The following EDRF1 variants were observed in gnomAD, a reference collection of about 807,000 sequenced individuals.
EDRF1 encodes the protein erythroid differentiation-related factor 1.
A neutral mutation model predicts 148.7 loss-of-function variants in EDRF1; 69 were observed. The observed-to-expected ratio is 0.46, with a 90% CI of 0.38 to 0.57. The LOEUF is 0.57. Among genes scored for constraint, EDRF1 ranks in the 20% least tolerant of loss-of-function variants. The pLI, the probability that EDRF1 is intolerant of heterozygous loss-of-function variation, is 0.00. For missense variants in EDRF1, 1,118 were observed against 1,478.7 expected (o/e 0.76, Z 4.00); for synonymous variants, 515 against 532.8 (o/e 0.97, Z 0.46).
At chr10:125,758,637 C>T (rs1419290606) in intron 24 of EDRF1, among the ~76,000 whole-genome samples, 1 of 152,174 alleles carries the variant, frequency 6.6e-6, no homozygotes, top group African/African-American at 2.4e-5. Context: ...TGGAACAGAT[C>T]TGCAGAAGGT....
At chr10:125,734,461 G>C (rs535293002) in intron 12 of EDRF1, among the ~76,000 whole-genome samples, 2 of 152,180 alleles carry the variant, frequency 1.3e-5, no homozygotes, top group South Asian at 4.1e-4. Context: ...TATTTAAGTT[G>C]ATTTCACAGA....
At chr10:125,748,481 T>A (rs989385909) in intron 21 of EDRF1, 22 of 200,842 alleles carry the variant, frequency 1.1e-4, no homozygotes, top group African/African-American at 4.2e-4. Flanking sequence ...CTGAGAATAA[T>A]CTGAGGCCGA....
rs1480090346 is a variant in EDRF1, at chr10:125,748,028, G to GTTAA, written c.3123+17_3123+20dup. 2.7e-5 allele frequency: 43 copies of GTTAA among 1,613,844 alleles called. No homozygotes were observed. Among genetic ancestry groups the GTTAA allele is most frequent in the Non-Finnish European group, 3.4e-5 (40 of 1,179,830 alleles). ...GAGGAATCAGGTATTGTCAGTCCAA[G>GTTAA]TTAAGTACAGTGCCACATCAGTTTA... On this transcript the variant is annotated intron_variant, in intron 21 of 24. Coordinates refer to ENST00000356792, the MANE Select transcript of EDRF1 (RefSeq NM_001202438.2).
chr10:125,721,127 C>T (rs906862951), intron 1 of EDRF1, 77 bp from the exon 2 acceptor site: 32 of 1,417,522 alleles, frequency 2.3e-5, no homozygotes, highest in Non-Finnish European at 2.8e-5. Context: ...GTGACAGGTT[C>T]TTGTTTTCTT....
chr10:125,736,850 G>A (rs1200207290), intron 13 of EDRF1, among the ~76,000 whole-genome samples: 1 of 151,802 alleles, frequency 6.6e-6, no homozygotes, highest in Non-Finnish European at 1.5e-5. Context: ...CCTCTTCAGG[G>A]AGATGTTCCC....
rs374142230 is a variant in EDRF1, at chr10:125,746,107, A to G, written c.2814+177A>G. 6.6e-5 allele frequency among the ~76,000 whole-genome samples: 10 copies of G among 152,376 alleles called. No homozygotes were observed. In the South Asian group the frequency reaches 8.3e-4, roughly 13 times the overall value. ...GGCCTAAGACTAGTAAGAATTGAGT[A>G]TTGAAGATGACATGTGGAATTGGAA... On this transcript the variant is annotated intron_variant, in intron 19 of 24. Coordinates refer to ENST00000356792, the MANE Select transcript of EDRF1 (RefSeq NM_001202438.2).
chr10:125,731,270 G>C (rs1403924219), intron 9 of EDRF1, among the ~76,000 whole-genome samples: 1 of 152,190 alleles, frequency 6.6e-6, no homozygotes, highest in East Asian at 1.9e-4. Flanking sequence ...AGAACAGTAG[G>C]AGACAGATAA....
intron 24 of EDRF1, among the ~76,000 whole-genome samples, chr10:125,759,052 C>T (rs1308003520): frequency 6.6e-6 from 1 of 152,104 alleles, no homozygotes; most frequent in Non-Finnish European, 1.5e-5. Flanking sequence ...GGTTGCTGGT[C>T]CCTCCCATAG....
intron 13 of EDRF1, 32 bp downstream of exon 13, chr10:125,735,936 T>C (rs537187050): frequency 6.4e-7 from 1 of 1,552,476 alleles, no homozygotes; most frequent in South Asian, 1.1e-5. Flanking sequence ...TAAATTTTTA[T>C]CAAGGAAACA....
At chr10:125,738,480 T>C in intron 15 of EDRF1, 35 bp downstream of exon 15, 1 of 1,613,044 alleles carries the variant, frequency 6.2e-7, no homozygotes, top group Non-Finnish European at 8.5e-7. Context: ...AGGCCTTCAA[T>C]AGAATAATAC....
At position 125,725,820 on chromosome 10, in the gene EDRF1, T is replaced by C. The variant is rs749935167; in HGVS notation, c.774T>C (p.Asp258=). Residue 258 remains aspartate (D), a synonymous_variant, in exon 6 of 25, where the codon GAT becomes GAC. Transcript: ENST00000356792. Reference sequence around the variant, plus strand: ...AAATGCCTTCTTCAGTTTCTGAAGATCCCAGTGCTTCCAGTCAGGTTAGTA... The same window carrying C: ...AAATGCCTTCTTCAGTTTCTGAAGACCCCAGTGCTTCCAGTCAGGTTAGTA... ...PFEMPSSVSE[D]PSASSQGSEP... The C allele has an allele frequency of 4.3e-6, 7 of 1,613,468 alleles. No homozygotes were observed. Among genetic ancestry groups the C allele is most frequent in the Non-Finnish European group, 5.9e-6 (7 of 1,179,988 alleles).
chr10:125,760,577 T>C (rs1172694544), intron 24 of EDRF1, among the ~76,000 whole-genome samples: 1 of 152,224 alleles, frequency 6.6e-6, no homozygotes, highest in Non-Finnish European at 1.5e-5. Flanking sequence ...AAATATTAAT[T>C]ACTAAGTCAG....
chr10:125,760,414 T>G (rs1850141027), intron 24 of EDRF1, among the ~76,000 whole-genome samples: 1 of 152,240 alleles, frequency 6.6e-6, no homozygotes, highest in South Asian at 2.1e-4. Flanking sequence ...TTATTTAGGT[T>G]ATTAATATTC....
rs1206704132 is a variant in EDRF1, at chr10:125,746,119, A to C, written c.2814+189A>C. Among the ~76,000 whole-genome samples the C allele has an allele frequency of 2.6e-5, 4 of 152,348 alleles. No individual in the cohort carries two copies. The South Asian group carries it at 8.3e-4, about 32-fold the overall frequency. ...GTAAGAATTGAGTATTGAAGATGAC[A>C]TGTGGAATTGGAAGGGAAAAGATGA... On this transcript the variant is annotated intron_variant, in intron 19 of 24. Transcript: ENST00000356792.
rs1356250383 is a variant in EDRF1 at position 125,753,701 on chromosome 10, G to A, written c.3401G>A (p.Ser1134Asn). The change falls in exon 24 of 25, where the codon AGT becomes AAT. Residue 1134 changes from serine (S) to asparagine (N), a missense_variant. Physicochemically the swap from Ser to Asn is conservative, Grantham distance 46 (BLOSUM62 1). Transcript: ENST00000356792. ...ELIEEFGQPK[S>N]GDAAAAADAS... is the part of the protein sequence containing the mutation. Reference sequence around the variant, plus strand: ...ACTTTTTGTTGTTTTTAGCCTAAGAGTGGTGACGCCGCTGCAGCTGCTGAT... The same window carrying A: ...ACTTTTTGTTGTTTTTAGCCTAAGAATGGTGACGCCGCTGCAGCTGCTGAT... 1.2e-6 allele frequency: 2 copies of A among 1,614,094 alleles called. No homozygotes were observed. The highest frequency in any genetic ancestry group is 1.7e-6 in the Non-Finnish European group (2 of 1,180,024).
chr10:125,733,858 G>A lies in EDRF1; in HGVS notation c.1385+115G>A, dbSNP rs1297413918. On this transcript the variant is annotated intron_variant, in intron 11 of 24. Transcript: ENST00000356792. ...AATGCTTTTAGGTTTTCATAGTAGGGGGAAAAATACACGTACACATTGTAC... is the reference window on the plus strand; with the variant it reads ...AATGCTTTTAGGTTTTCATAGTAGGAGGAAAAATACACGTACACATTGTAC... The A allele has an allele frequency of 2.9e-6, 3 of 1,033,588 alleles. No individual in the cohort carries two copies. The African/African-American group carries it at 4.8e-5, about 17-fold the overall frequency. The allele number at this position is 1,033,588 out of a possible 1,614,324, so 64.0% of individuals were successfully genotyped here.
intron 23 of EDRF1, 144 bp from the exon 24 acceptor site, chr10:125,753,550 G>A: frequency 3.5e-6 from 3 of 866,138 alleles, no homozygotes; most frequent in Non-Finnish European, 5.7e-6. Flanking sequence ...CTATCAAAAT[G>A]ATCATAGGTG....
Position 125,725,857 on chromosome 10 carries a change from A to C in EDRF1, c.792+19A>C. 1 of 1,610,940 alleles carries C rather than the reference A, an allele frequency of 6.2e-7. No homozygotes were observed. Among genetic ancestry groups the C allele is most frequent in the Non-Finnish European group, 8.5e-7 (1 of 1,179,746 alleles). ...CAGTCAGGTTAGTACTTAAATGCTA[A>C]TTCTAGAAACTCACATAGGAAAACA... On this transcript the variant is annotated intron_variant, in intron 6 of 24. Transcript: ENST00000356792.
At chr10:125,729,620 C>A in intron 8 of EDRF1, 141 bp downstream of exon 8, 1 of 1,118,210 alleles carries the variant, frequency 8.9e-7, no homozygotes, top group South Asian at 1.3e-5. Flanking sequence ...AGACTCGTCT[C>A]AAAAAAGAAT....
Sources: gnomAD v4.1 joint callset for allele counts (sites outside exome capture counted in the v4.1 genomes callset) on GRCh38, gnomAD v4.1.1 for gene constraint, MANE v1.5 for transcripts, NCBI Gene and HGNC (gene_info 2026-07-23, HGNC 2026-07-21) for gene names.